The following DYM variants were observed in gnomAD, a reference collection of about 807,000 sequenced individuals.
The protein encoded by DYM is dyggve-Melchior-Clausen syndrome protein.
A neutral mutation model predicts 93.1 loss-of-function variants in DYM; 78 were observed. The ratio of observed to expected loss-of-function variants is 0.84; its 90% CI spans 0.70 to 1.01. DYM has a LOEUF of 1.01. DYM is among the 50% of genes least tolerant of loss of function. The pLI is 0.00. For synonymous variants in DYM, 321 were observed against 319.7 expected, an observed-to-expected ratio of 1.00 and a Z score of -0.04; for missense variants, 789 against 845.0, an observed-to-expected ratio of 0.93 and a Z score of 0.82.
At chr18:49,393,274 C>CA (rs1387149694) in intron 2 of DYM, among the ~76,000 whole-genome samples, 1 of 151,886 alleles carries the variant, frequency 6.6e-6, no homozygotes, top group Non-Finnish European at 1.5e-5. Context: ...GGCAGTTCCT[C>CA]AAAAAATTAA....
chr18:49,405,426 G>C (rs538603248), intron 2 of DYM, among the ~76,000 whole-genome samples: 1 of 152,092 alleles, frequency 6.6e-6, no homozygotes, highest in East Asian at 1.9e-4. Flanking sequence ...TTTTTATATG[G>C]TGAAAGGTAG....
intron 3 of DYM, among the ~76,000 whole-genome samples, chr18:49,384,382 T>C (rs1030480869): frequency 2.7e-5 from 4 of 149,314 alleles, no homozygotes; most frequent in Admixed American, 1.3e-4. Context: ...TCCCAGCACT[T>C]TGGGAGGCCA....
At chr18:49,405,691 A>C (rs1221266435) in intron 2 of DYM, among the ~76,000 whole-genome samples, 3 of 152,164 alleles carry the variant, frequency 2.0e-5, no homozygotes, top group Non-Finnish European at 4.4e-5. Context: ...CTTTTTGCTT[A>C]GGATTGTTTT....
intron 8 of DYM, among the ~76,000 whole-genome samples, chr18:49,292,624 A>AAAAAAAAAAAAAAAAAAAAAAAAAAAC (rs1568189068): frequency 1.5e-5 from 1 of 65,046 alleles, no homozygotes; most frequent in African/African-American, 5.4e-5. Context: ...AAAAAAAAAA[A>AAAAAAAAAAAAAAAAAAAAAAAAAAAC]ACCCCCACAA....
chr18:49,383,834 A>C (rs796926760), intron 3 of DYM, among the ~76,000 whole-genome samples: 1 of 152,222 alleles, frequency 6.6e-6, no homozygotes, highest in Non-Finnish European at 1.5e-5. Context: ...AATATGTGTT[A>C]GTTTAATGAA....
intron 4 of DYM, 27 bp downstream of exon 4, chr18:49,379,638 C>G: frequency 6.5e-7 from 1 of 1,549,114 alleles, no homozygotes; most frequent in Non-Finnish European, 8.9e-7. Context: ...AAATATAAAG[C>G]AAACATGGTT....
intron 8 of DYM, among the ~76,000 whole-genome samples, chr18:49,291,623 T>C (rs1190762208): frequency 6.6e-6 from 1 of 152,150 alleles, no homozygotes; most frequent in East Asian, 1.9e-4. Flanking sequence ...GAGGTTTTTC[T>C]GTTTTGTTTT....
Position 49,097,874 on chromosome 18 carries a change from G to GCGCT in DYM, c.1912-360_1912-359insAGCG, listed in dbSNP as rs1555753684. On this transcript the variant is annotated intron_variant, in intron 16 of 17. Coordinates refer to ENST00000675505, the MANE Select transcript of DYM (RefSeq NM_001353214.3). ...CTATCACTTTTGAAGCTTAATATTA[G>GCGCT]CTCTCTCTCTCTCTCTCTCTCTCTC... Among the ~76,000 whole-genome samples, 99 of 141,290 alleles carry GCGCT rather than the reference G, an allele frequency of 7.0e-4. 1 individual carries two copies. The South Asian group carries it at 9.8e-3, about 14-fold the overall frequency. 92.7% of individuals were successfully genotyped at this position (141,290 alleles called of 152,430 possible).
chr18:49,266,171 G>A (rs2094567896), intron 11 of DYM, among the ~76,000 whole-genome samples: 1 of 151,976 alleles, frequency 6.6e-6, no homozygotes, highest in Admixed American at 6.6e-5. Flanking sequence ...AAAGAAGTGT[G>A]GAATTAATAA....
At chr18:49,254,169 T>C (rs1159157828) in intron 13 of DYM, among the ~76,000 whole-genome samples, 1 of 151,950 alleles carries the variant, frequency 6.6e-6, no homozygotes, top group Admixed American at 6.6e-5. Context: ...CTTCTTGCCA[T>C]TCTTGGAACC....
intron 14 of DYM, among the ~76,000 whole-genome samples, chr18:49,203,720 G>A (rs919454313): frequency 7.1e-6 from 1 of 140,838 alleles, no homozygotes; most frequent in African/African-American, 2.7e-5. Context: ...CACTGCGGAA[G>A]GCCGCAGGGT....
chr18:49,395,888 T>C (rs955885643), intron 2 of DYM, among the ~76,000 whole-genome samples: 7 of 152,192 alleles, frequency 4.6e-5, no homozygotes, highest in African/African-American at 1.7e-4. Flanking sequence ...TCCCCAATGT[T>C]AGAGGTGGGG....
intron 6 of DYM, 31 bp downstream of exon 6, chr18:49,363,130 T>G: frequency 1.9e-6 from 3 of 1,580,310 alleles, no homozygotes; most frequent in Non-Finnish European, 1.7e-6. Context: ...ACAAAGAAGA[T>G]AAAACAAATC....
intron 5 of DYM, chr18:49,375,746 A>G (rs2067447890): frequency 6.6e-6 from 1 of 152,142 alleles, no homozygotes. Context: ...TTGCCAAAGG[A>G]GATCAACGTT....
chr18:49,134,232 AG>A (rs1046375597), intron 15 of DYM, among the ~76,000 whole-genome samples: 56 of 152,370 alleles, frequency 3.7e-4, no homozygotes, highest in African/African-American at 1.2e-3. Context: ...AAAACCAATT[AG>A]CCCCAATGAT....
At chr18:49,052,618 T>G (rs1438276133) in intron 17 of DYM, among the ~76,000 whole-genome samples, 1 of 152,236 alleles carries the variant, frequency 6.6e-6, no homozygotes, top group African/African-American at 2.4e-5. Context: ...TCTTCATCTC[T>G]GCCATGGCCA....
chr18:49,196,202 A>T (rs1029476257), intron 14 of DYM, among the ~76,000 whole-genome samples: 3 of 152,144 alleles, frequency 2.0e-5, no homozygotes, highest in African/African-American at 4.8e-5. Context: ...CTGGGATTAC[A>T]GGTGTGAGCC....
chr18:49,139,079 G>A (rs2084170672), intron 15 of DYM, among the ~76,000 whole-genome samples: 1 of 152,074 alleles, frequency 6.6e-6, no homozygotes, highest in South Asian at 2.1e-4. Flanking sequence ...ATTAAGCTCA[G>A]TTTTGAAAAC....
intron 15 of DYM, among the ~76,000 whole-genome samples, chr18:49,129,128 A>G (rs1309542471): frequency 6.6e-6 from 1 of 152,022 alleles, no homozygotes; most frequent in African/African-American, 2.4e-5. Context: ...TTAAAAAAAA[A>G]AAAAAAGAAA....
Sources: gnomAD v4.1 joint callset for allele counts (sites outside exome capture counted in the v4.1 genomes callset) on GRCh38, gnomAD v4.1.1 for gene constraint, MANE v1.5 for transcripts, NCBI Gene and HGNC (gene_info 2026-07-23, HGNC 2026-07-21) for gene names.